ZNF609: variants seen among roughly 807,000 people sequenced by gnomAD.
ZNF609 encodes zinc finger protein 609.
Under a neutral mutation model 109.5 loss-of-function variants are expected in ZNF609, and 11 were observed. The ratio of observed to expected loss-of-function variants is 0.10; its 90% CI spans 0.06 to 0.17. The LOEUF (loss-of-function observed/expected upper bound fraction) is 0.17, where lower values mean the gene tolerates loss of function less well. ZNF609 is among the 10% of genes least tolerant of loss of function. The probability of loss-of-function intolerance (pLI) is 1.00; values close to 1 mark genes in which losing one functional copy is unlikely to be tolerated. For synonymous variants in ZNF609, 646 were observed against 662.0 expected (o/e 0.98, Z 0.37); for missense variants, 1,559 against 1,772.4 (o/e 0.88, Z 2.16).
At chr15:64,609,233 T>C (rs1405049546) in intron 2 of ZNF609, among the ~76,000 whole-genome samples, 1 of 151,600 alleles carries the variant, frequency 6.6e-6, no homozygotes, top group Non-Finnish European at 1.5e-5. Context: ...TCGCCCAGGC[T>C]GGAGTGCAGT....
intron 1 of ZNF609, among the ~76,000 whole-genome samples, chr15:64,482,296 C>G (rs1893265628): frequency 6.6e-6 from 1 of 151,988 alleles, no homozygotes; most frequent in Non-Finnish European, 1.5e-5. Flanking sequence ...TGAATAAATC[C>G]TCTAGAAAGT....
intron 3 of ZNF609, among the ~76,000 whole-genome samples, chr15:64,632,443 A>G (rs995982425): frequency 4.6e-5 from 7 of 152,044 alleles, no homozygotes; most frequent in Non-Finnish European, 7.4e-5. Flanking sequence ...GTGTCTATAA[A>G]TAAAGGGTTT....
At chr15:64,538,354 A>G (rs1374827086) in intron 2 of ZNF609, among the ~76,000 whole-genome samples, 2 of 152,230 alleles carry the variant, frequency 1.3e-5, no homozygotes, top group Non-Finnish European at 2.9e-5. Context: ...TGAGAAATGT[A>G]AAATAATTCT....
intron 2 of ZNF609, among the ~76,000 whole-genome samples, chr15:64,553,583 A>T (rs550564594): frequency 1.3e-5 from 2 of 149,920 alleles, no homozygotes; most frequent in East Asian, 1.9e-4. Context: ...TTTATTTTTT[A>T]TTTTTATTTT....
intron 2 of ZNF609, among the ~76,000 whole-genome samples, chr15:64,544,649 T>C (rs1294936105): frequency 1.3e-5 from 2 of 152,220 alleles, no homozygotes; most frequent in African/African-American, 4.8e-5. Flanking sequence ...CAGCCTTATC[T>C]GAAATGCCTT....
intron 2 of ZNF609, among the ~76,000 whole-genome samples, chr15:64,551,742 G>C (rs1373319136): frequency 2.0e-5 from 3 of 149,900 alleles, no homozygotes; most frequent in Non-Finnish European, 4.5e-5. Context: ...CTGATCAATG[G>C]GGCAGTGAGA....
At chr15:64,638,572 A>G (rs1352843043) in intron 3 of ZNF609, among the ~76,000 whole-genome samples, 1 of 152,038 alleles carries the variant, frequency 6.6e-6, no homozygotes, top group Non-Finnish European at 1.5e-5. Flanking sequence ...AGAGCAAGTC[A>G]CTGATATCAT....
intron 2 of ZNF609, among the ~76,000 whole-genome samples, chr15:64,503,604 C>T (rs1253792960): frequency 6.6e-6 from 1 of 152,156 alleles, no homozygotes; most frequent in Non-Finnish European, 1.5e-5. Context: ...AGGTGAGACT[C>T]CTTCTTTTCC....
At chr15:64,613,149 T>C (rs1466648431) in intron 2 of ZNF609, among the ~76,000 whole-genome samples, 2 of 151,916 alleles carry the variant, frequency 1.3e-5, no homozygotes, top group African/African-American at 2.4e-5. Flanking sequence ...GGCAAAACCT[T>C]GTCTCTACAA....
intron 1 of ZNF609, among the ~76,000 whole-genome samples, chr15:64,497,324 C>G (rs1439927155): frequency 6.6e-6 from 1 of 152,194 alleles, no homozygotes; most frequent in Non-Finnish European, 1.5e-5. Context: ...CTTCCCACAT[C>G]TACAGCTAAA....
At chr15:64,589,566 G>A (rs1895260223) in intron 2 of ZNF609, among the ~76,000 whole-genome samples, 1 of 152,132 alleles carries the variant, frequency 6.6e-6, no homozygotes, top group African/African-American at 2.4e-5. Flanking sequence ...AGCCAGTAGT[G>A]GAGGCTCTAT....
intron 2 of ZNF609, among the ~76,000 whole-genome samples, chr15:64,604,286 G>C (rs972564709): frequency 6.6e-6 from 1 of 152,162 alleles, no homozygotes; most frequent in African/African-American, 2.4e-5. Context: ...CTAAAGCAAG[G>C]CTTGCTAAAC....
chr15:64,529,486 G>C, intron 2 of ZNF609: 1 of 1,084,512 alleles, frequency 9.2e-7, no homozygotes, highest in Admixed American at 1.7e-5. Context: ...CCCGTTCTCA[G>C]CCTTGACGGT....
At chr15:64,537,309 C>G (rs1006904944) in intron 2 of ZNF609, among the ~76,000 whole-genome samples, 3 of 151,630 alleles carry the variant, frequency 2.0e-5, no homozygotes, top group African/African-American at 7.3e-5. Flanking sequence ...ACCACCCTAA[C>G]CAACATGGAG....
At chr15:64,560,222 A>G (rs1202033382) in intron 2 of ZNF609, among the ~76,000 whole-genome samples, 1 of 151,412 alleles carries the variant, frequency 6.6e-6, no homozygotes, top group Non-Finnish European at 1.5e-5. Flanking sequence ...ATTTTTTTGT[A>G]TTTTTAGTAG....
At chr15:64,522,306 A>G (rs1198619780) in intron 2 of ZNF609, among the ~76,000 whole-genome samples, 1 of 152,246 alleles carries the variant, frequency 6.6e-6, no homozygotes, top group African/African-American at 2.4e-5. Flanking sequence ...ATTCTACCAG[A>G]TTCTTAAGAG....
intron 2 of ZNF609, among the ~76,000 whole-genome samples, chr15:64,611,191 C>G (rs1486148274): frequency 1.3e-5 from 2 of 152,078 alleles, no homozygotes; most frequent in African/African-American, 4.8e-5. Flanking sequence ...TACCTTGTAA[C>G]CATACAGGAA....
intron 3 of ZNF609, among the ~76,000 whole-genome samples, chr15:64,639,114 A>G (rs2140989008): frequency 6.6e-6 from 1 of 152,192 alleles, no homozygotes. Flanking sequence ...TAAAATAAAT[A>G]AGATGGAGCT....
chr15:64,595,647 T>C (rs534422149), intron 2 of ZNF609, among the ~76,000 whole-genome samples: 1 of 152,302 alleles, frequency 6.6e-6, no homozygotes, highest in South Asian at 2.1e-4. Context: ...AACATCCAAC[T>C]ACCTCATGTC....
Sources: allele counts gnomAD v4.1 joint callset (sites outside exome capture counted in the v4.1 genomes callset), GRCh38; gene constraint gnomAD v4.1.1; transcripts MANE v1.5; gene names NCBI Gene and HGNC (gene_info 2026-07-23, HGNC 2026-07-21).